The following POLE variants were observed in gnomAD, a reference collection of about 807,000 sequenced individuals.
The protein encoded by POLE is DNA polymerase epsilon, catalytic subunit.
A neutral mutation model predicts 279.2 loss-of-function variants in POLE; 188 were observed. That is an observed-to-expected ratio of 0.67 (90% CI 0.60 to 0.76). The LOEUF (loss-of-function observed/expected upper bound fraction) is 0.76. Among genes scored for constraint, POLE ranks in the 30% least tolerant of loss-of-function variants. The pLI, the probability that POLE is intolerant of heterozygous loss-of-function variation, is 0.00. For missense variants in POLE, 2,703 were observed against 3,016.7 expected (o/e 0.90, Z 2.44); for synonymous variants, 1,214 against 1,172.5 (o/e 1.04, Z -0.72).
chr12:132,658,890 A>AAAAC (rs2042612164), intron 26 of POLE, among the ~76,000 whole-genome samples: 2 of 148,314 alleles, frequency 1.3e-5, no homozygotes, highest in African/African-American at 2.5e-5. Flanking sequence ...CCAAAAAAAA[A>AAAAC]AAAAAAAAAA....
At position 132,657,979 on chromosome 12, in the gene POLE, G is replaced by A. The variant is rs2138664023; in HGVS notation, c.3276-9C>T. On this transcript the variant is annotated splice_polypyrimidine_tract_variant and intron_variant, in intron 26 of 48. Transcript: ENST00000320574. ...TGGCAAGTGGGATGGCCCTGGGTAA[G>A]GAAGACAGGCACACAGCTCAGTAAC... 1 of 1,571,926 alleles carries A rather than the reference G, an allele frequency of 6.4e-7. No homozygotes were observed. The highest frequency in any genetic ancestry group is 1.1e-5 in the South Asian group (1 of 90,182).
rs1593698141 is a variant in POLE, at chr12:132,626,411, T to C, written c.6331-94A>G. ...ACCCTCTGGACCTTAGGCTACAGTT[T>C]CCTGGTGTCCTTTCCTCCCTTCCTT... On this transcript the variant is annotated intron_variant, in intron 45 of 48. Transcript: ENST00000320574. 4.2e-6 allele frequency: 5 copies of C among 1,188,892 alleles called. No homozygotes were observed. In the African/African-American group the frequency reaches 7.5e-5, roughly 18 times the overall value. The allele number at this position is 1,188,892 out of a possible 1,614,324, so 73.6% of individuals were successfully genotyped here.
Position 132,649,520 on chromosome 12 carries a change from G to C in POLE, c.3796-5C>G, listed in dbSNP as rs908934016. On this transcript the variant is annotated splice_polypyrimidine_tract_variant and splice_region_variant and intron_variant, in intron 30 of 48. Coordinates refer to ENST00000320574, the MANE Select transcript of POLE (RefSeq NM_006231.4). ...GAGCCAGACAAGCCATTCCTCCTGG[G>C]ATGGATGGTGAGCACAGCCAGTGTG... 1 of 1,610,992 alleles carries C rather than the reference G, an allele frequency of 6.2e-7. No homozygotes were observed. Among genetic ancestry groups the C allele is most frequent in the South Asian group, 1.1e-5 (1 of 91,010 alleles).
At chr12:132,651,135 C>G (rs1565948052) in intron 29 of POLE, 1 of 152,186 alleles carries the variant, frequency 6.6e-6, no homozygotes, top group East Asian at 1.9e-4. Context: ...CTCAGCCTTC[C>G]AAAGTGTTGA....
intron 16 of POLE, 95 bp downstream of exon 16, chr12:132,672,120 C>T (rs1464500628): frequency 9.5e-6 from 8 of 841,896 alleles, no homozygotes; most frequent in African/African-American, 5.0e-5. Context: ...CAGCACCACA[C>T]GCAGCAGGTG....
In POLE at chr12:132,677,572, A is replaced by G. The variant is rs751448342; in HGVS notation, c.720+6T>C. 18 of 1,613,882 alleles carry G rather than the reference A, an allele frequency of 1.1e-5. No individual in the cohort carries two copies. In the Admixed American group the frequency reaches 3.0e-4, roughly 27 times the overall value. Reference sequence around the variant, plus strand: ...GTGAGCAGCGACCCAACCCTGCCCCACTCACCACGTGGATCTTCAGGTCAA... The same window carrying G: ...GTGAGCAGCGACCCAACCCTGCCCCGCTCACCACGTGGATCTTCAGGTCAA... On this transcript the variant is annotated splice_donor_region_variant and intron_variant, in intron 7 of 48. Transcript: ENST00000320574.
chr12:132,657,820 A>T, intron 27 of POLE, 48 bp downstream of exon 27: 1 of 1,289,344 alleles, frequency 7.8e-7, no homozygotes, highest in Non-Finnish European at 1.1e-6. Context: ...TGCTCTGTCT[A>T]GCTTTCCTTG....
rs2138421931 is a variant in POLE, at chr12:132,624,765, A to G, written c.6793T>C (p.Tyr2265His). 6.2e-7 allele frequency: 1 copy of G among 1,613,860 alleles called. No homozygotes were observed. Among genetic ancestry groups the G allele is most frequent in the Non-Finnish European group, 8.5e-7 (1 of 1,179,704 alleles). ...IGIFRNIAQH[Y>H]GMSYLLETLE... Reference sequence around the variant, plus strand: ...GTCTCCAGGAGGTACGACATGCCGTAGTGCTGGGCAATGTTCCGGAATATT... The same window carrying G: ...GTCTCCAGGAGGTACGACATGCCGTGGTGCTGGGCAATGTTCCGGAATATT... Residue 2265 changes from tyrosine (Y) to histidine (H), a missense_variant, in exon 49 of 49, where the codon TAC becomes CAC. Coordinates refer to ENST00000320574, the MANE Select transcript of POLE (RefSeq NM_006231.4).
At position 132,687,277 on chromosome 12, in the gene POLE, T is replaced by A; in HGVS notation, c.39A>T (p.Pro13=). 2 of 1,498,890 alleles carry A rather than the reference T, an allele frequency of 1.3e-6. No homozygotes were observed. The highest frequency in any genetic ancestry group is 1.8e-6 in the Non-Finnish European group (2 of 1,126,584). 92.8% of individuals were successfully genotyped at this position (1,498,890 alleles called of 1,614,324 possible). A position where few individuals can be genotyped will look rare whatever the true frequency, so the allele number is the denominator to read the frequency against. The stretch of plus-strand genomic sequence containing the variant: ...ACCTGCTGGCCTCGCCATCCGCGCC[T>A]GGGTCCGCGCGCCGCCGCCCGCCGC... ...LRSGGRRRAD[P]GADGEASRDD... Residue 13 remains proline (P), a synonymous_variant, in exon 1 of 49, where the codon CCA becomes CCT. Coordinates refer to ENST00000320574, the MANE Select transcript of POLE (RefSeq NM_006231.4).
chr12:132,652,314 CTTTTTT>C (rs11449205), intron 29 of POLE, among the ~76,000 whole-genome samples: 45 of 111,170 alleles, frequency 4.0e-4, no homozygotes, highest in East Asian at 3.6e-3. Context: ...TTGTAGTTTC[CTTTTTT>C]TTTTTTTTTT....
Position 132,668,438 on chromosome 12 carries a change from G to T in POLE, c.2091C>A (p.Pro697=), listed in dbSNP as rs1060504055. The change falls in exon 19 of 49, where the codon CCC becomes CCA. Residue 697 remains proline, a synonymous_variant. Coordinates refer to ENST00000320574, the MANE Select transcript of POLE (RefSeq NM_006231.4). The surrounding 1 kb of genome is among the most constrained non-coding windows in gnomAD (Gnocchi z 4.0). ...QHQLESEKFP[P]LFPEGPARAF... ...CCCGAGCTGGCCCCTCTGGGAACAA[G>T]GGGGGGAACTTCTCTGACTCCAGCT... The T allele has an allele frequency of 5.0e-6, 8 of 1,610,916 alleles. No individual in the cohort carries two copies. Among genetic ancestry groups the T allele is most frequent in the Non-Finnish European group, 6.8e-6 (8 of 1,178,350 alleles).
chr12:132,644,047 A>C (rs1311671426), intron 32 of POLE, 70 bp from the exon 33 acceptor site: 1 of 1,518,518 alleles, frequency 6.6e-7, no homozygotes, highest in South Asian at 1.2e-5. Flanking sequence ...CACACAAAGC[A>C]CACGCTATTC....
rs2138659152 is a variant in POLE at position 132,657,360 on chromosome 12, C to T, written c.3448G>A (p.Ala1150Thr). 6.2e-7 allele frequency: 1 copy of T among 1,614,118 alleles called. No individual in the cohort carries two copies. The highest frequency in any genetic ancestry group is 8.5e-7 in the Non-Finnish European group (1 of 1,180,004). Residue 1150 changes from alanine to threonine, a missense_variant, in exon 28 of 49, where the codon GCC (alanine) becomes ACC (threonine). Transcript: ENST00000320574. ...AIQKIITIPAALQQVKNPVPR... is the reference protein window; with the variant it reads ...AIQKIITIPATLQQVKNPVPR... ...GACCCCGCCCTTACCTGCTGCAGGG[C>T]CGCAGGGATGGTGATGATCTTCTGG...
In POLE at chr12:132,661,023, C is replaced by T. The variant is rs1031081340; in HGVS notation, c.3006G>A (p.Val1002=). 2 of 1,614,104 alleles carry T rather than the reference C, an allele frequency of 1.2e-6. No individual in the cohort carries two copies. The highest frequency in any genetic ancestry group is 1.7e-6 in the Non-Finnish European group (2 of 1,179,988). Residue 1002 remains valine (V), a synonymous_variant, in exon 25 of 49, where the codon GTG becomes GTA. Transcript: ENST00000320574. The surrounding 1 kb of genome is among the most constrained non-coding windows in gnomAD (Gnocchi z 4.1). ...CAGCCACCTTGGCTACAGAGCCATA[C>T]ACCTCTTCCAGCGTGCTGCCCTTGA... is the stretch of plus-strand genomic sequence containing the variant. ...AFLKGSTLEE[V]YGSVAKVADY... is the part of the protein sequence containing the mutation.
chr12:132,625,111 T>G, intron 47 of POLE, 117 bp from the exon 48 acceptor site: 1 of 761,720 alleles, frequency 1.3e-6, no homozygotes, highest in South Asian at 1.5e-5. Flanking sequence ...CTCGAGCCCC[T>G]GCTGTGTGCA....
intron 29 of POLE, 54 bp downstream of exon 29, chr12:132,657,082 G>A (rs2042558262): frequency 6.3e-7 from 1 of 1,588,082 alleles, no homozygotes; most frequent in South Asian, 1.1e-5. Context: ...GAAGCCTGGA[G>A]TCCTGTGTGT....
chr12:132,624,828 C>T lies in POLE; in HGVS notation c.6748-18G>A, dbSNP rs1026222953. On this transcript the variant is annotated intron_variant, in intron 48 of 48. Transcript: ENST00000320574. ...ATGAAGACCTGCAGGAATAAACAGG[C>T]ACAGTGAGACCCCAGTCCACTCAGA... is the stretch of plus-strand genomic sequence containing the variant. 13 of 1,594,924 alleles carry T rather than the reference C, an allele frequency of 8.2e-6. No homozygotes were observed. Among genetic ancestry groups the T allele is most frequent in the Middle Eastern group, 1.7e-4 (1 of 6,026 alleles).
Position 132,626,227 on chromosome 12 carries a change from C to T in POLE, c.6421G>A (p.Glu2141Lys). The stretch of plus-strand genomic sequence containing the variant: ...CGGCAGGGGTCTCGGAACTGGGCCT[C>T]CTCGGAGAACTCGCCGACATCCACC... ...RLVDVGEFSEEAQFRDPCRSY... is the reference protein window; with the variant it reads ...RLVDVGEFSEKAQFRDPCRSY... Residue 2141 changes from glutamate to lysine, a missense_variant, in exon 46 of 49, where the codon GAG becomes AAG. Transcript: ENST00000320574. 1 of 1,613,836 alleles carries T rather than the reference C, an allele frequency of 6.2e-7. No individual in the cohort carries two copies. The highest frequency in any genetic ancestry group is 8.5e-7 in the Non-Finnish European group (1 of 1,180,020).
intron 26 of POLE, chr12:132,658,211 C>A: frequency 8.9e-6 from 4 of 450,724 alleles, no homozygotes; most frequent in Non-Finnish European, 1.2e-5. Context: ...TTCCTCACAG[C>A]GTAACCATGG....
Sources: gnomAD v4.1 joint callset for allele counts (sites outside exome capture counted in the v4.1 genomes callset) on GRCh38, gnomAD v4.1.1 for gene constraint, Gnocchi (gnomAD v3.1) non-coding constraint, MANE v1.5 for transcripts, NCBI Gene and HGNC (gene_info 2026-07-23, HGNC 2026-07-21) for gene names.